DHX34: variants seen among roughly 807,000 people sequenced by gnomAD.
DHX34 encodes the protein probable ATP-dependent RNA helicase DHX34.
In DHX34, 96 loss-of-function variants were observed where a neutral mutation model predicts 111.1. That is an observed-to-expected ratio of 0.86 (90% confidence interval 0.73 to 1.02). DHX34 has a LOEUF of 1.02. Ranked by LOEUF, DHX34 falls within the 50% of genes least tolerant of loss-of-function variation. DHX34 has a pLI of 0.00. For missense variants in DHX34, 1,560 were observed against 1,579.9 expected (o/e 0.99, Z 0.21); for synonymous variants, 688 against 670.4 (o/e 1.03, Z -0.41).
At chr19:47,373,777 C>T in intron 9 of DHX34, 77 bp downstream of exon 9, 1 of 1,523,442 alleles carries the variant, frequency 6.6e-7, no homozygotes, top group South Asian at 1.2e-5. Flanking sequence ...CACTGCTTCC[C>T]CTTCCCAGAC....
In DHX34 at chr19:47,364,179, G is replaced by A. The variant is rs144247377; in HGVS notation, c.1593+1486G>A. 3.9e-5 allele frequency among the ~76,000 whole-genome samples: 6 copies of A among 152,260 alleles called. No individual in the cohort carries two copies. The East Asian group carries it at 1.2e-3, about 29-fold the overall frequency. On this transcript the variant is annotated intron_variant, in intron 6 of 16. Coordinates refer to ENST00000328771, the MANE Select transcript of DHX34 (RefSeq NM_014681.6). ...TCAAGGGCATGGGAAGTGAGTACAG[G>A]AGGGTTTGCGGGTCGAGCCTGCAAA...
chr19:47,377,183 T>C lies in DHX34; in HGVS notation c.2683T>C (p.Cys895Arg). 6.2e-7 allele frequency: 1 copy of C among 1,613,804 alleles called. No individual in the cohort carries two copies. Among genetic ancestry groups the C allele is most frequent in the Non-Finnish European group, 8.5e-7 (1 of 1,179,902 alleles). ...GACCAACAAGCCGTACCTGGTGAAC[T>C]GCGTCCGCATCCCTGCCCTCCAGGT... ...LETNKPYLVNCVRIPALQSLL... is the reference protein window; with the variant it reads ...LETNKPYLVNRVRIPALQSLL... Residue 895 changes from cysteine to arginine, a missense_variant, in exon 13 of 17, where the codon TGC (cysteine) becomes CGC (arginine). Cys to Arg is a radical substitution (Grantham distance 180). Transcript: ENST00000328771.
chr19:47,373,485 A>T (rs1970033584), intron 8 of DHX34, 114 bp from the exon 9 acceptor site: 3 of 1,470,648 alleles, frequency 2.0e-6, no homozygotes. Context: ...ACCTGGAAGC[A>T]GGAGAGCAGG....
Position 47,376,112 on chromosome 19 carries a change from G to C in DHX34, c.2481+15G>C. The C allele has an allele frequency of 6.5e-7, 1 of 1,537,094 alleles. No individual in the cohort carries two copies. The highest frequency in any genetic ancestry group is 8.7e-7 in the Non-Finnish European group (1 of 1,144,472). Reference sequence around the variant, plus strand: ...ACTCAGACCAGGTGGGGCCTGTTCTGCCCCATCCTATGTTTTGTCCTCCAA... The same window carrying C: ...ACTCAGACCAGGTGGGGCCTGTTCTCCCCCATCCTATGTTTTGTCCTCCAA... On this transcript the variant is annotated intron_variant, in intron 11 of 16. Coordinates refer to ENST00000328771, the MANE Select transcript of DHX34 (RefSeq NM_014681.6).
At chr19:47,358,237 T>G in intron 4 of DHX34, 117 bp downstream of exon 4, 1 of 1,449,672 alleles carries the variant, frequency 6.9e-7, no homozygotes, top group African/African-American at 1.4e-5. Context: ...TTGTGCAAAG[T>G]CGTAGCCACC....
intron 7 of DHX34, 127 bp from the exon 8 acceptor site, chr19:47,372,603 C>A (rs908158213): frequency 9.1e-6 from 13 of 1,427,256 alleles, no homozygotes; most frequent in Non-Finnish European, 1.2e-5. Context: ...GTCACAAGAC[C>A]CTTAGTGGGC....
chr19:47,378,067 C>A (rs991977911), intron 13 of DHX34, among the ~76,000 whole-genome samples: 1 of 152,182 alleles, frequency 6.6e-6, no homozygotes, highest in South Asian at 2.1e-4. Context: ...GGTGGCCAAG[C>A]CAGAGCTCCT....
intron 12 of DHX34, 114 bp downstream of exon 12, chr19:47,376,674 C>T (rs1018428971): frequency 1.9e-5 from 28 of 1,470,134 alleles, no homozygotes; most frequent in South Asian, 2.8e-5. Flanking sequence ...CTGGTATTGA[C>T]GGGGGCCCAC....
intron 7 of DHX34, among the ~76,000 whole-genome samples, chr19:47,367,694 C>T (rs1271803810): frequency 1.3e-5 from 2 of 152,038 alleles, no homozygotes; most frequent in African/African-American, 4.8e-5. Flanking sequence ...TCGAGACCAG[C>T]CTGGCCAACA....
At chr19:47,367,330 C>A (rs1481776349) in intron 7 of DHX34, among the ~76,000 whole-genome samples, 175 bp downstream of exon 7, 2 of 152,162 alleles carry the variant, frequency 1.3e-5, no homozygotes, top group Non-Finnish European at 2.9e-5. Context: ...GTGGACAGAA[C>A]AGACACAAAT....
chr19:47,381,193 C>T lies in DHX34; in HGVS notation c.3167C>T (p.Thr1056Ile). Reference sequence around the variant, plus strand: ...ACAGCTGGCCTGCCACAGAATGACACAGACCTGTACAGCGACTGTCTCCGA... The same window carrying T: ...ACAGCTGGCCTGCCACAGAATGACATAGACCTGTACAGCGACTGTCTCCGA... ...FLTYNCLTND[T>I]DLYSDCLRTF... The change falls in exon 16 of 17, where the codon ACA becomes ATA. Residue 1056 changes from threonine to isoleucine, a missense_variant. Coordinates refer to ENST00000328771, the MANE Select transcript of DHX34 (RefSeq NM_014681.6). 1 of 1,613,984 alleles carries T rather than the reference C, an allele frequency of 6.2e-7. No homozygotes were observed. The highest frequency in any genetic ancestry group is 8.5e-7 in the Non-Finnish European group (1 of 1,179,878).
intron 5 of DHX34, among the ~76,000 whole-genome samples, chr19:47,361,224 A>G: frequency 6.6e-6 from 1 of 151,304 alleles, no homozygotes; most frequent in East Asian, 2.0e-4. Flanking sequence ...TTGGGAGGCC[A>G]AGGCAGGCAG....
Position 47,373,693 on chromosome 19 carries a change from A to G in DHX34, c.2057A>G (p.Gln686Arg). 1 of 1,613,624 alleles carries G rather than the reference A, an allele frequency of 6.2e-7. No individual in the cohort carries two copies. Among genetic ancestry groups the G allele is most frequent in the Non-Finnish European group, 8.5e-7 (1 of 1,179,770 alleles). The change falls in exon 9 of 17, where the codon CAG becomes CGG. Residue 686 changes from glutamine (Q) to arginine (R), a missense_variant. Physicochemically the swap from Gln to Arg is conservative, Grantham distance 43. Transcript: ENST00000328771. ...TACGAAATGGCCAACCTTCGGCGCC[A>G]GTTCAAGGTGAGGCTCGGGAGGAGG... ...RLYEMANLRR[Q>R]FKELLEDHGL...
At chr19:47,377,238 C>A (rs760942524) in intron 13 of DHX34, 32 bp downstream of exon 13, 1 of 1,595,454 alleles carries the variant, frequency 6.3e-7, no homozygotes, top group Non-Finnish European at 8.5e-7. Context: ...CCCCCATGCC[C>A]AGATATGAGA....
chr19:47,367,916 G>C (rs1224368245), intron 7 of DHX34, among the ~76,000 whole-genome samples: 1 of 130,086 alleles, frequency 7.7e-6, no homozygotes, highest in Non-Finnish European at 1.6e-5. Context: ...AAAAAAAAAA[G>C]CAAAAACAAA....
chr19:47,352,279 CATG>C (rs1969310667), intron 1 of DHX34, among the ~76,000 whole-genome samples: 2 of 152,220 alleles, frequency 1.3e-5, no homozygotes, highest in Admixed American at 1.3e-4. Context: ...GTGTGTGTCA[CATG>C]AGAGATCATG....
chr19:47,354,291 A>C (rs57568186), intron 2 of DHX34, among the ~76,000 whole-genome samples: 15,118 of 152,162 alleles, frequency 0.099, 1,046 homozygotes, highest in African/African-American at 0.19. Context: ...GATCACTGCA[A>C]TGCAAACTGC....
intron 12 of DHX34, 200 bp from the exon 13 acceptor site, chr19:47,376,900 G>A (rs1599775133): frequency 6.5e-7 from 1 of 1,534,906 alleles, no homozygotes; most frequent in Non-Finnish European, 8.7e-7. Flanking sequence ...TGCATGGAAG[G>A]GTGTCTCGCT....
In DHX34 at chr19:47,352,639, C is replaced by T. The variant is rs1279939445; in HGVS notation, c.-277-115C>T. The stretch of plus-strand genomic sequence containing the variant: ...GTGGTGAGCCATGATTACGGCACTG[C>T]ACTCCAGCCTGGGAAACAGAGTGAG... On this transcript the variant is annotated intron_variant, in intron 1 of 16. Coordinates refer to ENST00000328771, the MANE Select transcript of DHX34 (RefSeq NM_014681.6). The T allele has an allele frequency of 2.1e-5, 4 of 192,518 alleles. No individual in the cohort carries two copies. In the Admixed American group the frequency reaches 2.1e-4, roughly 10 times the overall value. 11.9% of individuals were successfully genotyped at this position (192,518 alleles called of 1,614,324 possible). A position where few individuals can be genotyped will look rare whatever the true frequency, so the allele number is the denominator to read the frequency against.
Sources: allele counts gnomAD v4.1 joint callset (sites outside exome capture counted in the v4.1 genomes callset), GRCh38; gene constraint gnomAD v4.1.1; transcripts MANE v1.5; gene names NCBI Gene and HGNC (gene_info 2026-07-23, HGNC 2026-07-21).